Variants in PARN observed in about 807,000 individuals in gnomAD.
PARN encodes the protein poly(A)-specific ribonuclease PARN.
A neutral mutation model predicts 102.8 loss-of-function variants in PARN; 71 were observed. That is an observed-to-expected ratio of 0.69 (90% CI 0.57 to 0.84). The LOEUF is 0.84. PARN is among the 40% of genes least tolerant of loss of function. PARN has a pLI of 0.00. For synonymous variants in PARN, 261 were observed against 252.9 expected (o/e 1.03, Z -0.30); for missense variants, 782 against 760.9 (o/e 1.03, Z -0.33).
chr16:14,630,030 G>C (rs1972941465), intron 1 of PARN, 77 bp downstream of exon 1: 1 of 1,337,518 alleles, frequency 7.5e-7, no homozygotes, highest in African/African-American at 1.4e-5. Context: ...AGCCAAACAC[G>C]CCGGCCATGG....
At chr16:14,566,608 T>A (rs1371914269) in intron 18 of PARN, among the ~76,000 whole-genome samples, 1 of 152,136 alleles carries the variant, frequency 6.6e-6, no homozygotes, top group Non-Finnish European at 1.5e-5. Flanking sequence ...TCCAATACCC[T>A]ACAGAACACT....
intron 21 of PARN, among the ~76,000 whole-genome samples, chr16:14,497,413 G>A (rs564206084): frequency 6.6e-6 from 1 of 152,334 alleles, no homozygotes; most frequent in South Asian, 2.1e-4. Context: ...ACAGATTCAA[G>A]TTGGGTCCTT....
At chr16:14,588,418 G>A (rs1969985093) in intron 13 of PARN, among the ~76,000 whole-genome samples, 1 of 152,174 alleles carries the variant, frequency 6.6e-6, no homozygotes, top group Non-Finnish European at 1.5e-5. Context: ...GACAGGAACG[G>A]AGCCATACAT....
At chr16:14,516,688 G>C (rs749340102) in intron 21 of PARN, among the ~76,000 whole-genome samples, 1 of 152,160 alleles carries the variant, frequency 6.6e-6, no homozygotes, top group Non-Finnish European at 1.5e-5. Flanking sequence ...CAAGAACTCA[G>C]GGAGCACTTT....
chr16:14,599,276 C>T (rs1314449923), intron 12 of PARN, among the ~76,000 whole-genome samples: 1 of 152,098 alleles, frequency 6.6e-6, no homozygotes, highest in Non-Finnish European at 1.5e-5. Flanking sequence ...CTCCTGAGCT[C>T]AAGCAATCCA....
intron 21 of PARN, among the ~76,000 whole-genome samples, chr16:14,528,988 C>T (rs745924189): frequency 6.6e-6 from 1 of 152,110 alleles, no homozygotes; most frequent in African/African-American, 2.4e-5. Context: ...AAACTTCTCT[C>T]ATCTCTAGTC....
chr16:14,473,448 A>C (rs532075058), intron 22 of PARN, among the ~76,000 whole-genome samples: 1 of 152,360 alleles, frequency 6.6e-6, no homozygotes, highest in African/African-American at 2.4e-5. Context: ...CCTTTCCAAA[A>C]GCTAAGGCTC....
At chr16:14,468,875 CTAAATAGATAGA>C (rs1332625031) in intron 22 of PARN, among the ~76,000 whole-genome samples, 50 of 92,546 alleles carry the variant, frequency 5.4e-4, no homozygotes, top group African/African-American at 2.2e-3. Context: ...GATCCCATTA[CTAAATAGATAGA>C]TAGATAGATA....
intron 23 of PARN, among the ~76,000 whole-genome samples, chr16:14,442,348 T>C (rs1960976184): frequency 1.3e-5 from 2 of 152,150 alleles, no homozygotes; most frequent in African/African-American, 4.8e-5. Context: ...ATTCCAGCAT[T>C]AATGGCATGC....
At chr16:14,458,251 T>G (rs1364721984) in intron 22 of PARN, among the ~76,000 whole-genome samples, 1 of 152,206 alleles carries the variant, frequency 6.6e-6, no homozygotes, top group Non-Finnish European at 1.5e-5. Flanking sequence ...TTAGAACATC[T>G]GAAATTTTCA....
chr16:14,577,662 C>CAT (rs1969227874), intron 18 of PARN, among the ~76,000 whole-genome samples: 1 of 151,916 alleles, frequency 6.6e-6, no homozygotes, highest in African/African-American at 2.4e-5. Context: ...TACTTACTTA[C>CAT]TTACATTTAT....
chr16:14,576,738 A>C (rs1753831315), intron 18 of PARN, among the ~76,000 whole-genome samples: 1 of 152,320 alleles, frequency 6.6e-6, no homozygotes, highest in African/African-American at 2.4e-5. Context: ...CGTGATCCTG[A>C]TTTCCATGGC....
intron 22 of PARN, among the ~76,000 whole-genome samples, chr16:14,471,665 TCTC>T (rs1318718759): frequency 2.0e-5 from 3 of 152,066 alleles, no homozygotes; most frequent in African/African-American, 4.8e-5. Flanking sequence ...CATTCCCACC[TCTC>T]CTCAGGTGGG....
intron 22 of PARN, among the ~76,000 whole-genome samples, chr16:14,449,002 A>T (rs538229491): frequency 6.5e-4 from 99 of 152,334 alleles, no homozygotes; most frequent in African/African-American, 2.3e-3. Flanking sequence ...GACTAGAAAA[A>T]GTTCGGCTGA....
intron 21 of PARN, among the ~76,000 whole-genome samples, chr16:14,503,668 G>A (rs1420305677): frequency 6.6e-6 from 1 of 152,138 alleles, no homozygotes; most frequent in Non-Finnish European, 1.5e-5. Flanking sequence ...CCACTGACTG[G>A]GCAGGTTTTG....
At chr16:14,553,846 GAATT>G (rs1375646956) in intron 20 of PARN, among the ~76,000 whole-genome samples, 1 of 152,172 alleles carries the variant, frequency 6.6e-6, no homozygotes, top group African/African-American at 2.4e-5. Context: ...TGCTTTCCAT[GAATT>G]AATAGCTCTG....
intron 5 of PARN, among the ~76,000 whole-genome samples, chr16:14,618,803 G>C (rs1972100164): frequency 6.6e-6 from 1 of 152,126 alleles, no homozygotes; most frequent in Admixed American, 6.5e-5. Flanking sequence ...CCAGGTTCAA[G>C]TTTAACACAG....
intron 12 of PARN, among the ~76,000 whole-genome samples, chr16:14,597,210 T>C (rs1306890117): frequency 1.3e-5 from 2 of 152,168 alleles, no homozygotes; most frequent in Non-Finnish European, 2.9e-5. Flanking sequence ...GACGATAATA[T>C]TAGTAGGCAA....
At chr16:14,558,310 C>T (rs4782159) in intron 18 of PARN, 44,400 of 151,446 alleles carry the variant, frequency 0.29, 7,451 homozygotes, top group South Asian at 0.42. Context: ...CCAGCCTGGC[C>T]AACACGGTGA....
Sources: allele counts gnomAD v4.1 joint callset (sites outside exome capture counted in the v4.1 genomes callset), GRCh38; gene constraint gnomAD v4.1.1; transcripts MANE v1.5; gene names NCBI Gene and HGNC (gene_info 2026-07-23, HGNC 2026-07-21).